Variants in ME1 observed in about 807,000 individuals in gnomAD.
ME1 encodes malic enzyme 1, also known as NADP-dependent malic enzyme.
ME1 carries 74 observed loss-of-function variants against 66.4 expected under a neutral mutation model. The ratio of observed to expected loss-of-function variants is 1.11; its 90% CI spans 0.92 to 1.35. The LOEUF (loss-of-function observed/expected upper bound fraction) is 1.35. ME1 is among the 40% of genes most tolerant of loss of function. ME1 has a pLI of 0.00. For missense variants in ME1, 750 were observed against 694.1 expected (o/e 1.08, Z -0.90); for synonymous variants, 251 against 235.6 (o/e 1.07, Z -0.60).
intron 1 of ME1, among the ~76,000 whole-genome samples, chr6:83,417,419 C>T (rs1251924177): frequency 5.9e-5 from 9 of 151,564 alleles, no homozygotes; most frequent in East Asian, 1.9e-4. Flanking sequence ...CTCACTTTGT[C>T]GCCCAGGCTA....
At chr6:83,406,812 C>A (rs2128551874) in intron 2 of ME1, among the ~76,000 whole-genome samples, 1 of 152,266 alleles carries the variant, frequency 6.6e-6, no homozygotes, top group Non-Finnish European at 1.5e-5. Context: ...GACCTCCTGT[C>A]TAGCAAAAAT....
chr6:83,233,928 A>G (rs944153053), intron 9 of ME1, among the ~76,000 whole-genome samples: 2 of 152,066 alleles, frequency 1.3e-5, no homozygotes, highest in Non-Finnish European at 2.9e-5. Flanking sequence ...CTTAATATGT[A>G]TCTTTTATAT....
At chr6:83,289,284 G>T (rs1583359326) in intron 6 of ME1, among the ~76,000 whole-genome samples, 1 of 152,140 alleles carries the variant, frequency 6.6e-6, no homozygotes, top group South Asian at 2.1e-4. Context: ...TTGGCTATGG[G>T]TTTGTCATAA....
At chr6:83,292,228 G>T (rs1429647100) in intron 6 of ME1, among the ~76,000 whole-genome samples, 1 of 152,258 alleles carries the variant, frequency 6.6e-6, no homozygotes, top group African/African-American at 2.4e-5. Context: ...CAGCCTTTCT[G>T]CTCTGGTTTC....
intron 1 of ME1, among the ~76,000 whole-genome samples, chr6:83,427,616 G>T (rs145738070): frequency 2.7e-3 from 411 of 152,206 alleles, no homozygotes; most frequent in Non-Finnish European, 4.5e-3. Flanking sequence ...TAAAGACATG[G>T]CTCATTCATT....
chr6:83,376,226 C>A (rs922482101), intron 3 of ME1, among the ~76,000 whole-genome samples: 1 of 152,038 alleles, frequency 6.6e-6, no homozygotes, highest in Non-Finnish European at 1.5e-5. Context: ...GAGGCCAGGG[C>A]TGAGCACGAT....
intron 5 of ME1, among the ~76,000 whole-genome samples, chr6:83,320,355 C>T (rs12201215): frequency 0.056 from 8,526 of 152,284 alleles, 305 homozygotes; most frequent in Admixed American, 0.098. Context: ...TTAGTAATGG[C>T]ACCCTCTGTC....
chr6:83,360,763 G>T (rs868191385), intron 3 of ME1, among the ~76,000 whole-genome samples: 61 of 152,236 alleles, frequency 4.0e-4, no homozygotes, highest in African/African-American at 1.4e-3. Context: ...CTGTGCAGAA[G>T]ACAGACAGAT....
At chr6:83,239,800 C>T (rs1319146487) in intron 7 of ME1, among the ~76,000 whole-genome samples, 164 bp from the exon 8 acceptor site, 1 of 152,018 alleles carries the variant, frequency 6.6e-6, no homozygotes, top group East Asian at 1.9e-4. Context: ...AATTCCCAGG[C>T]TACTGACATC....
Position 83,238,799 on chromosome 6 carries a change from A to AATAT in ME1, c.912+736_912+739dup, listed in dbSNP as rs34022791. 1.7e-3 allele frequency among the ~76,000 whole-genome samples: 231 copies of AATAT among 139,310 alleles called. 2 individuals are homozygous for AATAT. Among genetic ancestry groups the AATAT allele is most frequent in the African/African-American group, 4.8e-3 (186 of 38,696 alleles). The allele number at this position is 139,310 out of a possible 152,430, so 91.4% of individuals were successfully genotyped here. A position where few individuals can be genotyped will look rare whatever the true frequency, so the allele number is the denominator to read the frequency against. On this transcript the variant is annotated intron_variant, in intron 8 of 13. Transcript: ENST00000369705. ...TTTGAAAATTTAAAGTTTCTTGAAA[A>AATAT]ATATATATATATATATATATAGCCA...
At chr6:83,332,021 T>G (rs1768421762) in intron 5 of ME1, among the ~76,000 whole-genome samples, 1 of 152,094 alleles carries the variant, frequency 6.6e-6, no homozygotes, top group African/African-American at 2.4e-5. Flanking sequence ...AAGAAGGAAT[T>G]AAACATGACA....
At chr6:83,289,474 C>G (rs1043148642) in intron 6 of ME1, among the ~76,000 whole-genome samples, 1 of 152,134 alleles carries the variant, frequency 6.6e-6, no homozygotes, top group South Asian at 2.1e-4. Flanking sequence ...ATATGTTGAA[C>G]CAGACTTGCA....
chr6:83,417,193 G>A (rs780825693), intron 1 of ME1, among the ~76,000 whole-genome samples: 2 of 151,948 alleles, frequency 1.3e-5, no homozygotes, highest in Admixed American at 6.6e-5. Flanking sequence ...GGAACTATAC[G>A]CATACACCAC....
At chr6:83,285,032 G>C (rs1332372745) in intron 6 of ME1, among the ~76,000 whole-genome samples, 1 of 152,158 alleles carries the variant, frequency 6.6e-6, no homozygotes, top group African/African-American at 2.4e-5. Context: ...AAACATATCA[G>C]TGCAGGTATC....
At chr6:83,401,422 A>G (rs993801920) in intron 2 of ME1, among the ~76,000 whole-genome samples, 3 of 152,192 alleles carry the variant, frequency 2.0e-5, no homozygotes, top group Admixed American at 2.0e-4. Context: ...AGAGTACCTG[A>G]CACTGAATTG....
chr6:83,309,201 C>G (rs552902864), intron 6 of ME1, among the ~76,000 whole-genome samples: 141 of 152,112 alleles, frequency 9.3e-4, no homozygotes, highest in African/African-American at 3.3e-3. Context: ...ACCATCACAG[C>G]TTTTGTGTTG....
At chr6:83,397,472 A>G (rs1011668889) in intron 3 of ME1, among the ~76,000 whole-genome samples, 5 of 152,198 alleles carry the variant, frequency 3.3e-5, no homozygotes, top group African/African-American at 4.8e-5. Context: ...AAGATGAACA[A>G]TAAGTATTGG....
chr6:83,288,202 T>C (rs1767432469), intron 6 of ME1, among the ~76,000 whole-genome samples: 1 of 152,192 alleles, frequency 6.6e-6, no homozygotes, highest in Non-Finnish European at 1.5e-5. Flanking sequence ...CCATTGCTTT[T>C]GGTGTTTTAG....
chr6:83,232,475 G>A (rs750072067), intron 9 of ME1, among the ~76,000 whole-genome samples: 11 of 152,082 alleles, frequency 7.2e-5, no homozygotes, highest in Non-Finnish European at 1.2e-4. Context: ...ATTTAATTTT[G>A]TATGTTAAAA....
Sources: gnomAD v4.1 joint callset for allele counts (sites outside exome capture counted in the v4.1 genomes callset) on GRCh38, gnomAD v4.1.1 for gene constraint, MANE v1.5 for transcripts, NCBI Gene and HGNC (gene_info 2026-07-23, HGNC 2026-07-21) for gene names.